Variants in RP1L1 observed in about 807,000 individuals in gnomAD.
The protein encoded by RP1L1 is retinitis pigmentosa 1-like 1 protein.
A neutral mutation model predicts 15.7 loss-of-function variants in RP1L1; 27 were observed. That is an observed-to-expected ratio of 1.72 (90% confidence interval 1.27 to 2.38). The LOEUF (loss-of-function observed/expected upper bound fraction) is 2.38, where lower values mean the gene tolerates loss of function less well. Among genes scored for constraint, RP1L1 ranks in the 30% most tolerant of loss-of-function variants. The probability of loss-of-function intolerance (pLI) is 0.00; values close to 1 mark genes in which losing one functional copy is unlikely to be tolerated. For synonymous variants in RP1L1, 1,813 were observed against 1,276.7 expected (o/e 1.42, Z -8.96); for missense variants, 4,798 against 3,075.9 (o/e 1.56, Z -13.24).
chr8:10,651,170 G>A (rs751061657), intron 1 of RP1L1, among the ~76,000 whole-genome samples: 15 of 152,204 alleles, frequency 9.9e-5, no homozygotes, highest in Non-Finnish European at 1.6e-4. Flanking sequence ...CCATACCAGA[G>A]GTTCTCACAG....
At position 10,610,362 on chromosome 8, in the gene RP1L1, T is replaced by G. The variant is rs1188826259; in HGVS notation, c.3736A>C (p.Ser1246Arg). 6.2e-7 allele frequency: 1 copy of G among 1,613,950 alleles called. No homozygotes were observed. The highest frequency in any genetic ancestry group is 8.5e-7 in the Non-Finnish European group (1 of 1,180,018). ...NQRPDSRTYE[S>R]PGDLENQQQC... is the part of the protein sequence containing the mutation. ...TGTTGGTTTTCCAGATCCCCTGGGC[T>G]CTCATAAGTTCTTGAATCAGGCCTC... The change falls in exon 4 of 4, where the codon AGC (serine) becomes CGC (arginine). Residue 1246 changes from serine to arginine, a missense_variant. By Grantham distance (110) the Ser-to-Arg change is moderately radical. Coordinates refer to ENST00000382483, the MANE Select transcript of RP1L1 (RefSeq NM_178857.6).
chr8:10,627,465 A>G (rs1798176400), intron 1 of RP1L1, among the ~76,000 whole-genome samples: 1 of 151,982 alleles, frequency 6.6e-6, no homozygotes, highest in Admixed American at 6.6e-5. Flanking sequence ...AGGATGGGGG[A>G]CATCAGGGCT....
At chr8:10,622,567 G>A (rs1458611275) in intron 2 of RP1L1, 26 bp downstream of exon 2, 1 of 1,613,854 alleles carries the variant, frequency 6.2e-7, no homozygotes, top group Non-Finnish European at 8.5e-7. Flanking sequence ...ACCTTTTCAA[G>A]GAACCGTCAG....
chr8:10,621,791 C>G (rs767983007), intron 2 of RP1L1: 1 of 499,498 alleles, frequency 2.0e-6, no homozygotes, highest in South Asian at 1.5e-5. Context: ...GCAAAAATTA[C>G]ATTCACGCAT....
chr8:10,648,167 G>A (rs930111239), intron 1 of RP1L1, among the ~76,000 whole-genome samples: 1 of 152,042 alleles, frequency 6.6e-6, no homozygotes, highest in South Asian at 2.1e-4. Flanking sequence ...GAGTAGCTGG[G>A]ACTATAGGCA....
In RP1L1 at chr8:10,622,609, G is replaced by A. The variant is rs757917733; in HGVS notation, c.593C>T (p.Thr198Met). The part of the protein sequence containing the change: ...LLRFPVKQLY[T>M]TSGKKVDSLQ... ...ACAGCCTACCTTTTTCCCGCTGGTC[G>A]TGTACAACTGCTTCACAGGAAAGCG... Residue 198 changes from threonine (T) to methionine (M), a missense_variant, in exon 2 of 4, where the codon ACG (threonine) becomes ATG (methionine). Coordinates refer to ENST00000382483, the MANE Select transcript of RP1L1 (RefSeq NM_178857.6). 100 of 1,614,166 alleles carry A rather than the reference G, an allele frequency of 6.2e-5. 1 individual carries two copies. In the South Asian group the frequency reaches 6.9e-4, roughly 11 times the overall value.
In RP1L1 at chr8:10,606,755, C is replaced by T; in HGVS notation, c.*140G>A. 1 of 1,398,456 alleles carries T rather than the reference C, an allele frequency of 7.2e-7. No individual in the cohort carries two copies. The highest frequency in any genetic ancestry group is 9.7e-7 in the Non-Finnish European group (1 of 1,034,126). The allele number at this position is 1,398,456 out of a possible 1,614,324, so 86.6% of individuals were successfully genotyped here. On this transcript the variant is annotated 3_prime_UTR_variant, in exon 4 of 4. Transcript: ENST00000382483. ...GAGTCCCAGGACAGCATGGCATGGG[C>T]TGTGTCCTTGGCAAGTCCTTGGTCT...
intron 1 of RP1L1, among the ~76,000 whole-genome samples, chr8:10,648,068 G>A (rs577589104): frequency 1.5e-4 from 22 of 150,214 alleles, no homozygotes; most frequent in African/African-American, 2.2e-4. Flanking sequence ...GTCTCACTCC[G>A]TTGTCCAGGC....
rs374296911 is a variant in RP1L1, at chr8:10,612,167, C to A, written c.1931G>T (p.Arg644Leu). 1 of 1,613,446 alleles carries A rather than the reference C, an allele frequency of 6.2e-7. No individual in the cohort carries two copies. Among genetic ancestry groups the A allele is most frequent in the South Asian group, 1.1e-5 (1 of 91,088 alleles). Residue 644 changes from arginine (R) to leucine (L), a missense_variant, in exon 4 of 4, where the codon CGG becomes CTG. Physicochemically the swap from Arg to Leu is moderately radical, Grantham distance 102. Transcript: ENST00000382483. ...SQQGQRRHRS[R>L]ASAMSSPSSP... ...GCTGGGTGAGGACATTGCACTGGCC[C>A]GGCTTCTGTGCCTTCTCTGCCCCTG...
intron 3 of RP1L1, among the ~76,000 whole-genome samples, chr8:10,614,918 G>A (rs977260227): frequency 1.3e-5 from 2 of 152,144 alleles, no homozygotes; most frequent in Non-Finnish European, 2.9e-5. Flanking sequence ...AAAACTTAAA[G>A]TATAATAAAA....
intron 1 of RP1L1, among the ~76,000 whole-genome samples, chr8:10,639,406 G>C (rs1239469074): frequency 2.0e-5 from 3 of 152,056 alleles, no homozygotes; most frequent in African/African-American, 7.2e-5. Context: ...TTAGAGACAG[G>C]GTCTTGCTCA....
In RP1L1 at chr8:10,613,029, G is replaced by A; in HGVS notation, c.1069C>T (p.Pro357Ser). The A allele has an allele frequency of 6.2e-7, 1 of 1,613,482 alleles. No individual in the cohort carries two copies. Among genetic ancestry groups the A allele is most frequent in the African/African-American group, 1.3e-5 (1 of 75,042 alleles). ...AGGGGGTCTACCTCCCCCAGAACGG[G>A]GTCTTCCCCACTGGCTGCCGTGAGG... Reference protein sequence around the residue: ...SALTAASGEDPVLGEVDPLCC... With the variant: ...SALTAASGEDSVLGEVDPLCC... Residue 357 changes from proline to serine, a missense_variant, in exon 4 of 4, where the codon CCC (proline) becomes TCC (serine). Pro to Ser is a moderately conservative substitution (Grantham distance 74). Transcript: ENST00000382483.
chr8:10,637,744 G>T (rs969816599), intron 1 of RP1L1, among the ~76,000 whole-genome samples: 1 of 152,330 alleles, frequency 6.6e-6, no homozygotes, highest in South Asian at 2.1e-4. Flanking sequence ...CTCCTGCATA[G>T]GAGTTTATTT....
chr8:10,606,760 T>C lies in RP1L1; in HGVS notation c.*135A>G, dbSNP rs1360479786. ...CCAGGACAGCATGGCATGGGCTGTG[T>C]CCTTGGCAAGTCCTTGGTCTTTGTC... On this transcript the variant is annotated 3_prime_UTR_variant, in exon 4 of 4. Coordinates refer to ENST00000382483, the MANE Select transcript of RP1L1 (RefSeq NM_178857.6). The C allele has an allele frequency of 6.9e-7, 1 of 1,457,350 alleles. No individual in the cohort carries two copies. Among genetic ancestry groups the C allele is most frequent in the Non-Finnish European group, 9.2e-7 (1 of 1,083,984 alleles). The allele number at this position is 1,457,350 out of a possible 1,614,324, so 90.3% of individuals were successfully genotyped here.
chr8:10,637,474 G>A (rs185694308), intron 1 of RP1L1, among the ~76,000 whole-genome samples: 124 of 152,260 alleles, frequency 8.1e-4, no homozygotes, highest in Middle Eastern at 3.4e-3. Context: ...AGCCGGCCAC[G>A]GTGGCATATG....
At chr8:10,632,863 G>A (rs943404429) in intron 1 of RP1L1, among the ~76,000 whole-genome samples, 6 of 152,182 alleles carry the variant, frequency 3.9e-5, no homozygotes, top group Non-Finnish European at 7.3e-5. Flanking sequence ...TCAGAGCCAA[G>A]AATGAGCTAT....
intron 1 of RP1L1, among the ~76,000 whole-genome samples, chr8:10,626,316 A>G (rs1203210477): frequency 6.6e-6 from 1 of 152,178 alleles, no homozygotes; most frequent in African/African-American, 2.4e-5. Context: ...AGGGCTGAGC[A>G]GGGAGAGGGA....
chr8:10,631,319 A>G (rs916562100), intron 1 of RP1L1, among the ~76,000 whole-genome samples: 3 of 84,094 alleles, frequency 3.6e-5, no homozygotes, highest in Non-Finnish European at 8.8e-5. Flanking sequence ...ACACACGCAC[A>G]CACGCACACA....
At chr8:10,646,004 CG>C (rs1305963553) in intron 1 of RP1L1, among the ~76,000 whole-genome samples, 7 of 152,214 alleles carry the variant, frequency 4.6e-5, no homozygotes, top group Non-Finnish European at 8.8e-5. Context: ...TCCCTCAGGA[CG>C]GGCAGACTGA....
Sources: gnomAD v4.1 joint callset for allele counts (sites outside exome capture counted in the v4.1 genomes callset) on GRCh38, gnomAD v4.1.1 for gene constraint, MANE v1.5 for transcripts, NCBI Gene and HGNC (gene_info 2026-07-23, HGNC 2026-07-21) for gene names.